BCAR3: variants seen among roughly 807,000 people sequenced by gnomAD.
BCAR3 encodes breast cancer anti-estrogen resistance protein 3.
A neutral mutation model predicts 80.1 loss-of-function variants in BCAR3; 37 were observed. The observed-to-expected ratio is 0.46, with a 90% CI of 0.36 to 0.61. BCAR3 has a LOEUF of 0.61. Among genes scored for constraint, BCAR3 ranks in the 20% least tolerant of loss-of-function variants. The pLI is 0.00. For missense variants in BCAR3, 978 were observed against 1,068.2 expected (o/e 0.92, Z 1.18); for synonymous variants, 389 against 418.9 (o/e 0.93, Z 0.87).
At chr1:93,772,281 G>A (rs1447799300) in intron 2 of BCAR3, among the ~76,000 whole-genome samples, 1 of 152,194 alleles carries the variant, frequency 6.6e-6, no homozygotes, top group Admixed American at 6.5e-5. Flanking sequence ...GTTGGAGAGA[G>A]GATTGGAGGC....
intron 2 of BCAR3, among the ~76,000 whole-genome samples, chr1:93,832,389 C>T (rs1654597731): frequency 6.6e-6 from 1 of 152,214 alleles, no homozygotes. Context: ...TGCGATTCCT[C>T]CTAAGCCATG....
chr1:93,726,434 C>A (rs1650585222), intron 2 of BCAR3, among the ~76,000 whole-genome samples: 1 of 151,808 alleles, frequency 6.6e-6, no homozygotes, highest in Non-Finnish European at 1.5e-5. Flanking sequence ...TCATGTGTCT[C>A]AAAAAAAATT....
intron 2 of BCAR3, among the ~76,000 whole-genome samples, chr1:93,673,754 G>C (rs948517357): frequency 2.6e-5 from 4 of 152,206 alleles, no homozygotes; most frequent in African/African-American, 9.7e-5. Context: ...TTGTCCTAAA[G>C]TATTCTGAAG....
intron 2 of BCAR3, among the ~76,000 whole-genome samples, chr1:93,778,996 G>A (rs1652670992): frequency 6.6e-6 from 1 of 152,288 alleles, no homozygotes; most frequent in East Asian, 1.9e-4. Flanking sequence ...ACTAATCTCA[G>A]GTTCTGATAT....
At chr1:93,786,573 T>A (rs1652954935) in intron 2 of BCAR3, among the ~76,000 whole-genome samples, 1 of 152,226 alleles carries the variant, frequency 6.6e-6, no homozygotes, top group African/African-American at 2.4e-5. Context: ...AGTGACTTTT[T>A]ACACAGAAAT....
At chr1:93,686,912 G>A (rs1003898260) in intron 3 of BCAR3, among the ~76,000 whole-genome samples, 1 of 152,168 alleles carries the variant, frequency 6.6e-6, no homozygotes, top group African/African-American at 2.4e-5. Context: ...TAAATAACCA[G>A]ATGTTCTATT....
At chr1:93,672,449 C>G (rs1443851094) in intron 2 of BCAR3, among the ~76,000 whole-genome samples, 1 of 152,002 alleles carries the variant, frequency 6.6e-6, no homozygotes, top group Non-Finnish European at 1.5e-5. Flanking sequence ...TAGCTCAGGA[C>G]AGTTTAAGTT....
At chr1:93,615,387 T>A (rs977820433) in intron 3 of BCAR3, among the ~76,000 whole-genome samples, 5 of 152,140 alleles carry the variant, frequency 3.3e-5, no homozygotes, top group Non-Finnish European at 7.4e-5. Context: ...CCCGGCCTCA[T>A]CAACGTGTCA....
intron 2 of BCAR3, among the ~76,000 whole-genome samples, chr1:93,843,457 C>T (rs774274648): frequency 6.6e-6 from 1 of 152,150 alleles, no homozygotes; most frequent in Non-Finnish European, 1.5e-5. Context: ...TTGCAATTCT[C>T]ATAACAATTT....
intron 2 of BCAR3, among the ~76,000 whole-genome samples, chr1:93,790,651 A>T (rs988797056): frequency 1.4e-3 from 114 of 83,040 alleles, no homozygotes; most frequent in East Asian, 3.1e-3. Context: ...TTTTTTCTTA[A>T]TTTTTTTTTT....
chr1:93,666,543 T>C (rs2101937648), intron 2 of BCAR3, among the ~76,000 whole-genome samples: 2 of 152,234 alleles, frequency 1.3e-5, no homozygotes, highest in Admixed American at 1.3e-4. Context: ...AACTGAGAAC[T>C]CCCTAAGGAC....
intron 2 of BCAR3, among the ~76,000 whole-genome samples, chr1:93,841,587 C>T (rs1451159742): frequency 6.6e-6 from 1 of 152,234 alleles, no homozygotes; most frequent in Non-Finnish European, 1.5e-5. Flanking sequence ...TGCTGCCTGC[C>T]TTAGACACGA....
intron 7 of BCAR3, among the ~76,000 whole-genome samples, chr1:93,578,727 C>G (rs1466108165): frequency 6.6e-6 from 1 of 152,170 alleles, no homozygotes; most frequent in African/African-American, 2.4e-5. Flanking sequence ...TGTCCCTCCC[C>G]AGCCCACCCC....
chr1:93,699,100 C>G (rs1001350754), intron 3 of BCAR3, among the ~76,000 whole-genome samples: 1 of 152,162 alleles, frequency 6.6e-6, no homozygotes, highest in Non-Finnish European at 1.5e-5. Flanking sequence ...TCTCCAACAA[C>G]CCTGTAAAAC....
chr1:93,762,491 G>C (rs1651984200), intron 2 of BCAR3, among the ~76,000 whole-genome samples: 1 of 152,186 alleles, frequency 6.6e-6, no homozygotes. Context: ...AGACAAGTTA[G>C]CAAGGGCAGC....
intron 2 of BCAR3, among the ~76,000 whole-genome samples, chr1:93,785,820 G>A (rs1467500688): frequency 6.6e-6 from 1 of 152,210 alleles, no homozygotes; most frequent in African/African-American, 2.4e-5. Flanking sequence ...TTCCTCCCCT[G>A]AATCTGAGTG....
rs111633268 is a variant in BCAR3, at chr1:93,654,574, T to C, written c.318-12231A>G. On this transcript the variant is annotated intron_variant, in intron 2 of 11. Coordinates refer to ENST00000260502, the MANE Select transcript of BCAR3 (RefSeq NM_003567.4). ...CTGACCTACAGAAACCGTGAGGTAA[T>C]GAATGGGTATGAAGTCGCCAAGTTT... is the stretch of plus-strand genomic sequence containing the variant. 1.1e-3 allele frequency among the ~76,000 whole-genome samples: 164 copies of C among 152,310 alleles called. 1 individual carries two copies. The highest frequency in any genetic ancestry group is 3.6e-3 in the African/African-American group (148 of 41,580).
intron 2 of BCAR3, among the ~76,000 whole-genome samples, chr1:93,732,472 G>A (rs112954046): frequency 0.049 from 7,392 of 152,058 alleles, 274 homozygotes; most frequent in Non-Finnish European, 0.067. Flanking sequence ...AAAATTAGCC[G>A]GGAGTGGTGG....
upstream of BCAR3, among the ~76,000 whole-genome samples, chr1:93,684,888 C>T (rs1648919680): frequency 6.6e-6 from 1 of 152,126 alleles, no homozygotes; most frequent in Admixed American, 6.5e-5. Flanking sequence ...TGCCAGCATG[C>T]CCAGCTAATT....
Sources: allele counts gnomAD v4.1 joint callset (sites outside exome capture counted in the v4.1 genomes callset), GRCh38; gene constraint gnomAD v4.1.1; transcripts MANE v1.5; gene names NCBI Gene and HGNC (gene_info 2026-07-23, HGNC 2026-07-21).